Variants in IL6ST observed in about 807,000 individuals in gnomAD.
The protein encoded by IL6ST is interleukin 6 cytokine family signal transducer.
In IL6ST, 24 loss-of-function variants were observed where a neutral mutation model predicts 91.3. The observed-to-expected ratio is 0.26, with a 90% CI of 0.19 to 0.37. IL6ST has a LOEUF of 0.37. Ranked by LOEUF, IL6ST falls within the 10% of genes least tolerant of loss-of-function variation. The probability of loss-of-function intolerance (pLI) is 1.00; values close to 1 mark genes in which losing one functional copy is unlikely to be tolerated. For synonymous variants in IL6ST, 351 were observed against 373.6 expected (o/e 0.94, Z 0.70); for missense variants, 914 against 1,078.5 (o/e 0.85, Z 2.14).
chr5:55,954,682 C>G, intron 11 of IL6ST, 128 bp downstream of exon 11: 1 of 617,092 alleles, frequency 1.6e-6, no homozygotes, highest in Non-Finnish European at 2.8e-6. Flanking sequence ...AGTCACACAT[C>G]TAGTAAGTAG....
At chr5:55,958,774 GGC>G (rs1752131775) in intron 8 of IL6ST, among the ~76,000 whole-genome samples, 1 of 151,610 alleles carries the variant, frequency 6.6e-6, no homozygotes, top group Non-Finnish European at 1.5e-5. Flanking sequence ...TGGAGGTAGA[GGC>G]TGCAGCGAGC....
intron 14 of IL6ST, among the ~76,000 whole-genome samples, chr5:55,951,046 A>C (rs1280214631): frequency 1.3e-5 from 2 of 152,172 alleles, no homozygotes; most frequent in Admixed American, 1.3e-4. Flanking sequence ...GAGAGGTTTC[A>C]GTGCAGGGGT....
intron 15 of IL6ST, among the ~76,000 whole-genome samples, chr5:55,945,101 T>C (rs2111617027): frequency 6.8e-6 from 1 of 148,108 alleles, no homozygotes; most frequent in Admixed American, 6.7e-5. Flanking sequence ...ATCTGACCTA[T>C]AGATTCAATA....
rs1376575556 is a variant in IL6ST, at chr5:55,939,563, G to C, written c.*1519C>G. 2 of 204,554 alleles carry C rather than the reference G, an allele frequency of 9.8e-6. No individual in the cohort carries two copies. Among genetic ancestry groups the C allele is most frequent in the Non-Finnish European group, 2.0e-5 (2 of 99,828 alleles). The allele number at this position is 204,554 out of a possible 1,614,324, so 12.7% of individuals were successfully genotyped here. ...TCTAGAAACTATTCTAAGCATGCCT[G>C]GTTTCTGTAACTTAAATATGGCATA... On this transcript the variant is annotated 3_prime_UTR_variant, in exon 17 of 17. Transcript: ENST00000381298.
Position 55,957,223 on chromosome 5 carries a change from G to T in IL6ST, c.1042C>A (p.Gln348Lys). ...PSHTQGYRTV[Q>K]LVWKTLPPFE... is the part of the protein sequence containing the mutation. The stretch of plus-strand genomic sequence containing the variant: ...TGATTTTTTACCTTCCACACGAGTT[G>T]TACAGTTCTGTAGCCTTGAGTATGG... The change falls in exon 9 of 17, where the codon CAA becomes AAA. Residue 348 changes from glutamine (Q) to lysine (K), a missense_variant. Gln to Lys is a moderately conservative substitution (Grantham distance 53). Transcript: ENST00000381298. 5 of 1,509,022 alleles carry T rather than the reference G, an allele frequency of 3.3e-6. No homozygotes were observed. The highest frequency in any genetic ancestry group is 4.5e-6 in the Non-Finnish European group (5 of 1,106,908). The allele number at this position is 1,509,022 out of a possible 1,614,324, so 93.5% of individuals were successfully genotyped here. A position where few individuals can be genotyped will look rare whatever the true frequency, so the allele number is the denominator to read the frequency against.
In IL6ST at chr5:55,939,624, A is replaced by AGTC. The variant is rs1178422731; in HGVS notation, c.*1455_*1457dup. The AGTC allele has an allele frequency of 2.0e-5, 4 of 203,710 alleles. No individual in the cohort carries two copies. Among genetic ancestry groups the AGTC allele is most frequent in the Middle Eastern group, 1.6e-3 (1 of 620 alleles). The allele number at this position is 203,710 out of a possible 1,614,324, so 12.6% of individuals were successfully genotyped here. A position where few individuals can be genotyped will look rare whatever the true frequency, so the allele number is the denominator to read the frequency against. On this transcript the variant is annotated 3_prime_UTR_variant, in exon 17 of 17. Coordinates refer to ENST00000381298, the MANE Select transcript of IL6ST (RefSeq NM_002184.4). ...TCCTTTGAATTCACTTGATAGCAGT[A>AGTC]GTCAATCACTAATAACGCTTGCTAA...
chr5:55,972,202 A>G (rs186428207), intron 3 of IL6ST, among the ~76,000 whole-genome samples: 3 of 152,308 alleles, frequency 2.0e-5, no homozygotes, highest in East Asian at 1.9e-4. Context: ...ATCACACAGA[A>G]TAAGAGAAAT....
intron 1 of IL6ST, among the ~76,000 whole-genome samples, 194 bp downstream of exon 1, chr5:55,994,590 C>CA (rs1754538958): frequency 6.6e-6 from 1 of 151,854 alleles, no homozygotes; most frequent in Non-Finnish European, 1.5e-5. Context: ...ATCGAGGTGA[C>CA]AAAGTTGTGG....
At chr5:55,955,456 A>G (rs770220866) in intron 10 of IL6ST, among the ~76,000 whole-genome samples, 1 of 152,228 alleles carries the variant, frequency 6.6e-6, no homozygotes, top group Non-Finnish European at 1.5e-5. Flanking sequence ...AAAAGAAAAA[A>G]AAAAATTTGC....
At chr5:55,983,462 A>T (rs186673111) in intron 1 of IL6ST, among the ~76,000 whole-genome samples, 1 of 152,304 alleles carries the variant, frequency 6.6e-6, no homozygotes, top group East Asian at 1.9e-4. Context: ...GCCTGCTAAC[A>T]ACTATTCTAT....
chr5:55,960,354 C>T (rs908501100), intron 8 of IL6ST, 48 bp downstream of exon 8: 8 of 1,469,744 alleles, frequency 5.4e-6, no homozygotes, highest in Admixed American at 1.8e-5. Context: ...AACCAGTTCA[C>T]ATCTGGAATT....
rs1446001628 is a variant in IL6ST at position 55,939,783 on chromosome 5, G to A, written c.*1299C>T. The stretch of plus-strand genomic sequence containing the variant: ...AGGCCTGGGTCACTTCTCCCTTGAA[G>A]AAAAAAGGTTTTAAAAATTCCTAAA... On this transcript the variant is annotated 3_prime_UTR_variant, in exon 17 of 17. Coordinates refer to ENST00000381298, the MANE Select transcript of IL6ST (RefSeq NM_002184.4). The A allele has an allele frequency of 4.9e-6, 1 of 205,590 alleles. No homozygotes were observed. The highest frequency in any genetic ancestry group is 5.9e-5 in the Admixed American group (1 of 16,834). The allele number at this position is 205,590 out of a possible 1,614,324, so 12.7% of individuals were successfully genotyped here.
At chr5:55,943,311 A>AGAT (rs1413078038) in intron 15 of IL6ST, among the ~76,000 whole-genome samples, 1 of 152,214 alleles carries the variant, frequency 6.6e-6, no homozygotes, top group African/African-American at 2.4e-5. Context: ...TTACCAAAAC[A>AGAT]GATTGAAGAA....
chr5:55,942,814 T>C, intron 15 of IL6ST, 63 bp from the exon 16 acceptor site: 1 of 854,772 alleles, frequency 1.2e-6, no homozygotes, highest in Non-Finnish European at 1.9e-6. Flanking sequence ...ATAGTCCCTA[T>C]TTCTAAACAT....
chr5:55,982,745 T>C lies in IL6ST; in HGVS notation c.-37A>G, dbSNP rs1183456028. 2 of 398,232 alleles carry C rather than the reference T, an allele frequency of 5.0e-6. No individual in the cohort carries two copies. Among genetic ancestry groups the C allele is most frequent in the Non-Finnish European group, 8.9e-6 (2 of 225,952 alleles). The allele number at this position is 398,232 out of a possible 1,614,324, so 24.7% of individuals were successfully genotyped here. On this transcript the variant is annotated 5_prime_UTR_variant, in exon 2 of 17. Transcript: ENST00000381298. ...TTACCCAAATCACAAAATTAGTAAG[T>C]GAAGGAGTAGGGATTTGAAGCTAAG...
intron 11 of IL6ST, 51 bp downstream of exon 11, chr5:55,954,759 C>A: frequency 7.1e-7 from 1 of 1,409,738 alleles, no homozygotes; most frequent in South Asian, 1.4e-5. Context: ...AAAAAGCTGC[C>A]TAAAGAGTTA....
At chr5:55,982,092 CAT>C (rs1301995878) in intron 2 of IL6ST, among the ~76,000 whole-genome samples, 6 of 152,048 alleles carry the variant, frequency 3.9e-5, no homozygotes, top group Admixed American at 3.9e-4. Flanking sequence ...CTTTCATTTC[CAT>C]ATGTTTTCTC....
Position 55,967,136 on chromosome 5 carries a change from CCTCT to C in IL6ST, c.491+1136_491+1139del, listed in dbSNP as rs756858853. 3.3e-5 allele frequency among the ~76,000 whole-genome samples: 5 copies of C among 150,968 alleles called. No homozygotes were observed. In the South Asian group the frequency reaches 1.0e-3, roughly 32 times the overall value. The stretch of plus-strand genomic sequence containing the variant: ...ACCAGCCTGACCAACATGGTGAAAC[CCTCT>C]CTATTAAAAATAGAAAAAAATTAGC... On this transcript the variant is annotated intron_variant, in intron 5 of 16. Transcript: ENST00000381298.
Position 55,937,025 on chromosome 5 carries a change from T to A in IL6ST, c.*4057A>T, listed in dbSNP as rs543346085. ...ATTGAGACTAGAGAATTTTCAAATA[T>A]CTACCTTTGAAATATCCCTTTGTTT... On this transcript the variant is annotated 3_prime_UTR_variant, in exon 17 of 17. Transcript: ENST00000381298. 1.0e-5 allele frequency: 2 copies of A among 200,886 alleles called. No individual in the cohort carries two copies. The highest frequency in any genetic ancestry group is 6.0e-5 in the Admixed American group (1 of 16,640). 12.4% of individuals were successfully genotyped at this position (200,886 alleles called of 1,614,324 possible). A position where few individuals can be genotyped will look rare whatever the true frequency, so the allele number is the denominator to read the frequency against.
Sources: gnomAD v4.1 joint callset for allele counts (sites outside exome capture counted in the v4.1 genomes callset) on GRCh38, gnomAD v4.1.1 for gene constraint, MANE v1.5 for transcripts, NCBI Gene and HGNC (gene_info 2026-07-23, HGNC 2026-07-21) for gene names.